SOD2: variants seen among roughly 807,000 people sequenced by gnomAD.
SOD2 encodes superoxide dismutase 2.
In SOD2, 11 loss-of-function variants were observed where a neutral mutation model predicts 27.0. The ratio of observed to expected loss-of-function variants is 0.41; its 90% CI spans 0.26 to 0.67. The LOEUF is 0.67. SOD2 is among the 30% of genes least tolerant of loss of function. SOD2 has a pLI of 0.34. For missense variants in SOD2, 250 were observed against 274.5 expected (o/e 0.91, Z 0.63); for synonymous variants, 105 against 103.0 (o/e 1.02, Z -0.12).
chr6:159,723,538 T>C lies in SOD2; in HGVS notation c.-116+3591A>G, dbSNP rs73599375. Among the ~76,000 whole-genome samples the C allele has an allele frequency of 7.9e-3, 1,209 of 152,310 alleles. 17 individuals are homozygous for C. Among genetic ancestry groups the C allele is most frequent in the African/African-American group, 0.027 (1,111 of 41,560 alleles). Reference sequence around the variant, plus strand: ...TCTCCAAAGGAGCTCTGGATCTTTTTAGTGGGAAATGGAATTTAGAAACCA... The same window carrying C: ...TCTCCAAAGGAGCTCTGGATCTTTTCAGTGGGAAATGGAATTTAGAAACCA... On this transcript the variant is annotated intron_variant, in intron 1 of 2. Coordinates refer to the SOD2 transcript ENST00000401980.
At chr6:159,683,308 AC>A (rs1229361184) in intron 4 of SOD2, among the ~76,000 whole-genome samples, 3 of 151,578 alleles carry the variant, frequency 2.0e-5, no homozygotes, top group Non-Finnish European at 4.4e-5. Flanking sequence ...ACATGGTGAA[AC>A]CCCGCCTCTA....
chr6:159,713,668 C>T (rs1038260674), intron 1 of SOD2: 13 of 971,764 alleles, frequency 1.3e-5, no homozygotes, highest in African/African-American at 1.3e-4. Flanking sequence ...ACGAAGCCAT[C>T]GTTGGCAGTA....
At chr6:159,753,548 G>A in intron 1 of SOD2, 2 of 1,614,186 alleles carry the variant, frequency 1.2e-6, no homozygotes, top group Non-Finnish European at 1.7e-6. Context: ...GGGACGTATT[G>A]CACAACTTGA....
In SOD2 at chr6:159,682,495, A is replaced by C. The variant is rs1445926755; in HGVS notation, c.667T>G (p.Ter223GluextTer13). 1 of 1,613,652 alleles carries C rather than the reference A, an allele frequency of 6.2e-7. No homozygotes were observed. Among genetic ancestry groups the C allele is most frequent in the South Asian group, 1.1e-5 (1 of 91,016 alleles). The change falls in exon 5 of 5, where the codon TAA becomes GAA. Residue 223 changes from the stop codon to glutamate, a stop_lost. Coordinates refer to ENST00000538183, the MANE Select transcript of SOD2 (RefSeq NM_000636.4). The stretch of plus-strand genomic sequence containing the variant: ...ATACTCAGCATAACGATCGTGGTTT[A>C]CTTTTTGCAAGCCATGTATCTTTCA... ...VTERYMACKK[*>E]
intron 1 of SOD2, among the ~76,000 whole-genome samples, chr6:159,732,568 C>T (rs1044927540): frequency 1.3e-5 from 2 of 152,168 alleles, no homozygotes; most frequent in African/African-American, 4.8e-5. Flanking sequence ...GGCGCAGTAG[C>T]TTACACCTGT....
At chr6:159,744,941 A>G (rs776171909) in intron 1 of SOD2, among the ~76,000 whole-genome samples, 1 of 152,162 alleles carries the variant, frequency 6.6e-6, no homozygotes, top group African/African-American at 2.4e-5. Context: ...TGGCCTCCCA[A>G]AACTGTTGGG....
chr6:159,737,624 C>T (rs1779001904), intron 1 of SOD2, among the ~76,000 whole-genome samples: 1 of 151,956 alleles, frequency 6.6e-6, no homozygotes, highest in African/African-American at 2.4e-5. Flanking sequence ...CCCAAAGTAG[C>T]TCAGACTACA....
chr6:159,756,941 T>C (rs1328102953), intron 1 of SOD2, among the ~76,000 whole-genome samples: 1 of 152,186 alleles, frequency 6.6e-6, no homozygotes, highest in East Asian at 1.9e-4. Flanking sequence ...GTTGGTTTTT[T>C]GTGACCTGAT....
At chr6:159,727,922 C>G (rs1778308086), upstream of SOD2, among the ~76,000 whole-genome samples, 1 of 152,224 alleles carries the variant, frequency 6.6e-6, no homozygotes, top group Non-Finnish European at 1.5e-5. Context: ...TCCCCAAGGC[C>G]CGGGTTGAGA....
upstream of SOD2, among the ~76,000 whole-genome samples, chr6:159,747,879 T>C (rs1583100974): frequency 9.7e-6 from 1 of 103,494 alleles, no homozygotes. Context: ...AATTCCTAAG[T>C]GAGTAACCTT....
intron 1 of SOD2, among the ~76,000 whole-genome samples, chr6:159,710,284 T>TATAC (rs1027206233): frequency 2.0e-5 from 3 of 148,960 alleles, no homozygotes; most frequent in African/African-American, 7.4e-5. Flanking sequence ...TATATATATA[T>TATAC]ATATAAAATA....
At chr6:159,692,393 G>T (rs944033713) in intron 2 of SOD2, 9 of 1,369,234 alleles carry the variant, frequency 6.6e-6, no homozygotes, top group Admixed American at 3.5e-5. Context: ...ATGTGTAACG[G>T]AATGTGGCTC....
At chr6:159,698,931 T>TG (rs1213930870) in intron 1 of SOD2, among the ~76,000 whole-genome samples, 1 of 102,700 alleles carries the variant, frequency 9.7e-6, no homozygotes, top group Non-Finnish European at 1.8e-5. Context: ...TCTTGCTGTC[T>TG]GGGGGGTGGG....
intron 1 of SOD2, among the ~76,000 whole-genome samples, chr6:159,715,148 GGA>G (rs1178950993): frequency 1.3e-5 from 2 of 152,040 alleles, no homozygotes; most frequent in South Asian, 2.1e-4. Flanking sequence ...TTGTTGTGTA[GGA>G]GAGAGTTTGG....
intron 1 of SOD2, among the ~76,000 whole-genome samples, chr6:159,704,784 TC>T (rs1395278128): frequency 6.6e-6 from 1 of 152,208 alleles, no homozygotes; most frequent in Non-Finnish European, 1.5e-5. Context: ...GCAGTGGTTC[TC>T]CCAGCACAGA....
rs1039936552 is a variant in SOD2 at position 159,680,092 on chromosome 6, G to A, written c.*2401C>T. 2 of 152,120 alleles carry A rather than the reference G, an allele frequency of 1.3e-5. No homozygotes were observed. The highest frequency in any genetic ancestry group is 2.9e-5 in the Non-Finnish European group (2 of 68,028). The allele number at this position is 152,120 out of a possible 1,614,324, so 9.4% of individuals were successfully genotyped here. ...ACCAGAAAGCCAAAGCAAAAATAGA[G>A]CCCCACAGAAATTTCAACATTGAAC... On this transcript the variant is annotated 3_prime_UTR_variant, in exon 5 of 5. Transcript: ENST00000538183.
At chr6:159,727,486 G>A (rs182631265), upstream of SOD2, 2 of 993,074 alleles carry the variant, frequency 2.0e-6, no homozygotes, top group South Asian at 4.4e-5. Context: ...GGGCGGGGCC[G>A]GGCGGCGGGG....
At chr6:159,704,710 C>A (rs1274349318) in intron 1 of SOD2, among the ~76,000 whole-genome samples, 3 of 152,226 alleles carry the variant, frequency 2.0e-5, no homozygotes, top group African/African-American at 4.8e-5. Context: ...CAGGGCATAG[C>A]TGAACAAAAG....
At chr6:159,753,375 G>A in intron 1 of SOD2, 1 of 1,557,770 alleles carries the variant, frequency 6.4e-7, no homozygotes, top group Non-Finnish European at 8.8e-7. Context: ...ATGTTTGTAT[G>A]TGTTACATCT....
Sources: gnomAD v4.1 joint callset for allele counts (sites outside exome capture counted in the v4.1 genomes callset) on GRCh38, gnomAD v4.1.1 for gene constraint, MANE v1.5 for transcripts, NCBI Gene and HGNC (gene_info 2026-07-23, HGNC 2026-07-21) for gene names.